MSRB3: variants seen among roughly 807,000 people sequenced by gnomAD.
MSRB3 encodes methionine-R-sulfoxide reductase B3.
Under a neutral mutation model 21.0 loss-of-function variants are expected in MSRB3, and 13 were observed. The observed-to-expected ratio is 0.62, with a 90% CI of 0.40 to 0.98. MSRB3 has a LOEUF of 0.98. Ranked by LOEUF, MSRB3 falls within the 50% of genes least tolerant of loss-of-function variation. The pLI, the probability that MSRB3 is intolerant of heterozygous loss-of-function variation, is 0.00. For synonymous variants in MSRB3, 87 were observed against 88.6 expected, an observed-to-expected ratio of 0.98 and a Z score of 0.10; for missense variants, 199 against 230.3, an observed-to-expected ratio of 0.86 and a Z score of 0.88.
intron 5 of MSRB3, among the ~76,000 whole-genome samples, chr12:65,439,107 A>T (rs867910249): frequency 6.6e-6 from 1 of 151,850 alleles, no homozygotes; most frequent in African/African-American, 2.4e-5. Flanking sequence ...ATACTAGGCC[A>T]AGGCAAACAA....
chr12:65,438,688 T>G (rs61921502), intron 5 of MSRB3, among the ~76,000 whole-genome samples: 15,688 of 151,816 alleles, frequency 0.1, 1,076 homozygotes, highest in Non-Finnish European at 0.16. Context: ...TCCAAAGGCT[T>G]TATTTTACTT....
At chr12:65,453,416 A>G (rs1882946287) in intron 5 of MSRB3, among the ~76,000 whole-genome samples, 1 of 152,188 alleles carries the variant, frequency 6.6e-6, no homozygotes, top group Non-Finnish European at 1.5e-5. Context: ...TGAAGACAAG[A>G]GAAAGAGTGG....
intron 6 of MSRB3, among the ~76,000 whole-genome samples, chr12:65,455,108 T>C (rs549838109): frequency 6.6e-6 from 1 of 152,284 alleles, no homozygotes; most frequent in East Asian, 1.9e-4. Context: ...TCAGCATTCT[T>C]TACCTGCCCT....
intron 5 of MSRB3, among the ~76,000 whole-genome samples, chr12:65,434,786 A>G (rs535212654): frequency 6.6e-6 from 1 of 152,034 alleles, no homozygotes; most frequent in Admixed American, 6.6e-5. Context: ...TTGTGTGGTG[A>G]TTAGCTATTT....
chr12:65,408,577 T>C (rs551562585), intron 5 of MSRB3, among the ~76,000 whole-genome samples: 2 of 152,192 alleles, frequency 1.3e-5, no homozygotes, highest in African/African-American at 4.8e-5. Context: ...TTTGTTATTA[T>C]ACAGGAGCCC....
intron 6 of MSRB3, among the ~76,000 whole-genome samples, chr12:65,462,809 A>G (rs1883389131): frequency 1.3e-5 from 2 of 152,218 alleles, no homozygotes; most frequent in African/African-American, 4.8e-5. Context: ...CGGGGGAAAG[A>G]TTTTATGCTG....
At chr12:65,425,308 T>A (rs986088659) in intron 5 of MSRB3, among the ~76,000 whole-genome samples, 2 of 152,190 alleles carry the variant, frequency 1.3e-5, no homozygotes, top group African/African-American at 2.4e-5. Context: ...TTTATTCATT[T>A]AGCCAATCTG....
At chr12:65,441,183 G>T (rs1233392087) in intron 5 of MSRB3, among the ~76,000 whole-genome samples, 1 of 151,812 alleles carries the variant, frequency 6.6e-6, no homozygotes, top group Non-Finnish European at 1.5e-5. Flanking sequence ...GCTTGTCAGT[G>T]GTCAGTTTTA....
chr12:65,309,073 A>G (rs1439476193), intron 2 of MSRB3: 2 of 224,294 alleles, frequency 8.9e-6, no homozygotes, highest in East Asian at 1.0e-4. Flanking sequence ...GGAAAAAATG[A>G]AAATGAACAA....
chr12:65,371,157 C>T (rs1286038802), intron 5 of MSRB3, among the ~76,000 whole-genome samples: 1 of 152,002 alleles, frequency 6.6e-6, no homozygotes, highest in Admixed American at 6.6e-5. Context: ...GAAACCCCAT[C>T]TCTACTAAAA....
At chr12:65,456,018 T>C (rs1334088478) in intron 6 of MSRB3, among the ~76,000 whole-genome samples, 1 of 152,184 alleles carries the variant, frequency 6.6e-6, no homozygotes, top group South Asian at 2.1e-4. Flanking sequence ...ATTACAGGCA[T>C]GAGCCACCGT....
chr12:65,412,133 ATT>A (rs1289554962), intron 5 of MSRB3, among the ~76,000 whole-genome samples: 1 of 152,110 alleles, frequency 6.6e-6, no homozygotes, highest in African/African-American at 2.4e-5. Context: ...TTTCATAGTT[ATT>A]TCTTTACATG....
intron 5 of MSRB3, among the ~76,000 whole-genome samples, chr12:65,415,136 G>T (rs1256204012): frequency 6.6e-6 from 1 of 152,144 alleles, no homozygotes; most frequent in African/African-American, 2.4e-5. Context: ...AACCAGCAAA[G>T]GATACAGGGA....
intron 2 of MSRB3, chr12:65,309,091 A>T (rs1873829981): frequency 9.7e-6 from 2 of 205,876 alleles, no homozygotes; most frequent in African/African-American, 4.6e-5. Flanking sequence ...CAATGTTAGC[A>T]TGATTAAGTT....
At chr12:65,410,286 T>C (rs1276784156) in intron 5 of MSRB3, among the ~76,000 whole-genome samples, 1 of 152,190 alleles carries the variant, frequency 6.6e-6, no homozygotes, top group African/African-American at 2.4e-5. Context: ...ATTTATGTTG[T>C]TTTCTGTTTG....
intron 6 of MSRB3, among the ~76,000 whole-genome samples, chr12:65,455,516 C>A (rs1311322726): frequency 1.3e-5 from 2 of 152,076 alleles, no homozygotes; most frequent in Non-Finnish European, 2.9e-5. Flanking sequence ...GAGGTAGGTC[C>A]TTTTTTCTCT....
intron 1 of MSRB3, among the ~76,000 whole-genome samples, chr12:65,282,499 G>A (rs891548086): frequency 2.6e-5 from 4 of 152,160 alleles, no homozygotes; most frequent in South Asian, 4.1e-4. Flanking sequence ...CCTCATTTAA[G>A]CTTCTATTGC....
intron 2 of MSRB3, among the ~76,000 whole-genome samples, chr12:65,325,395 G>T (rs1592526321): frequency 6.6e-6 from 1 of 152,166 alleles, no homozygotes; most frequent in East Asian, 1.9e-4. Flanking sequence ...AAGGTCAGCA[G>T]AGGTGCTGTC....
chr12:65,317,524 T>G (rs1874378787), intron 2 of MSRB3, among the ~76,000 whole-genome samples: 1 of 152,218 alleles, frequency 6.6e-6, no homozygotes, highest in Non-Finnish European at 1.5e-5. Flanking sequence ...GTGGAACCTT[T>G]CCCTTCTCAC....
Sources: gnomAD v4.1 joint callset for allele counts (sites outside exome capture counted in the v4.1 genomes callset) on GRCh38, gnomAD v4.1.1 for gene constraint, MANE v1.5 for transcripts, NCBI Gene and HGNC (gene_info 2026-07-23, HGNC 2026-07-21) for gene names.